The following ERGIC2 variants were observed in gnomAD, a reference collection of about 807,000 sequenced individuals.
The protein encoded by ERGIC2 is endoplasmic reticulum-Golgi intermediate compartment protein 2.
ERGIC2 carries 31 observed loss-of-function variants against 52.5 expected under a neutral mutation model. That is an observed-to-expected ratio of 0.59 (90% CI 0.44 to 0.80). The LOEUF (loss-of-function observed/expected upper bound fraction) is 0.80, where lower values mean the gene tolerates loss of function less well. Among genes scored for constraint, ERGIC2 ranks in the 30% least tolerant of loss-of-function variants. The pLI is 0.00. For synonymous variants in ERGIC2, 129 were observed against 140.6 expected, an observed-to-expected ratio of 0.92 and a Z score of 0.58; for missense variants, 395 against 455.2, an observed-to-expected ratio of 0.87 and a Z score of 1.20.
rs989909180 is a variant in ERGIC2, at chr12:29,337,630, A to G, written c.*3526T>C. 3.9e-5 allele frequency: 6 copies of G among 152,152 alleles called. No individual in the cohort carries two copies. Among genetic ancestry groups the G allele is most frequent in the Non-Finnish European group, 7.4e-5 (5 of 68,012 alleles). 9.4% of individuals were successfully genotyped at this position (152,152 alleles called of 1,614,324 possible). On this transcript the variant is annotated 3_prime_UTR_variant, in exon 14 of 14. Coordinates refer to ENST00000360150, the MANE Select transcript of ERGIC2 (RefSeq NM_016570.3). Reference sequence around the variant, plus strand: ...ATTTTGATTGTGTTGAAAAAGGGCTACCACCTTGGCTTGCTGAAGGTTTGC... The same window carrying G: ...ATTTTGATTGTGTTGAAAAAGGGCTGCCACCTTGGCTTGCTGAAGGTTTGC...
intron 5 of ERGIC2, among the ~76,000 whole-genome samples, chr12:29,363,760 G>C (rs1940317311): frequency 1.4e-5 from 2 of 145,596 alleles, no homozygotes; most frequent in Admixed American, 7.0e-5. Flanking sequence ...TGATTCTCAA[G>C]AGCTTAAAAT....
intron 8 of ERGIC2, among the ~76,000 whole-genome samples, chr12:29,351,863 A>G (rs1335614220): frequency 6.6e-6 from 1 of 152,046 alleles, no homozygotes; most frequent in Non-Finnish European, 1.5e-5. Flanking sequence ...TTTTCTGATC[A>G]TTGCTTTTTT....
chr12:29,369,991 A>G (rs1006690869), intron 3 of ERGIC2, 123 bp downstream of exon 3: 1 of 861,422 alleles, frequency 1.2e-6, no homozygotes, highest in Admixed American at 4.4e-5. Flanking sequence ...ATTTTTCAGG[A>G]CTATTTCTTC....
chr12:29,343,631 T>C (rs1949855759), intron 11 of ERGIC2, among the ~76,000 whole-genome samples: 1 of 152,166 alleles, frequency 6.6e-6, no homozygotes, highest in Non-Finnish European at 1.5e-5. Context: ...ATACAAATAA[T>C]GAGGTTAACT....
chr12:29,358,023 T>C (rs1474900231), intron 6 of ERGIC2, among the ~76,000 whole-genome samples: 1 of 152,156 alleles, frequency 6.6e-6, no homozygotes, highest in Non-Finnish European at 1.5e-5. Flanking sequence ...CAATTCATCT[T>C]TCATGCATAC....
At chr12:29,348,357 T>C (rs1940086610) in intron 10 of ERGIC2, among the ~76,000 whole-genome samples, 1 of 152,076 alleles carries the variant, frequency 6.6e-6, no homozygotes, top group African/African-American at 2.4e-5. Flanking sequence ...GAATTCCTAC[T>C]AGCTGAACAA....
intron 3 of ERGIC2, among the ~76,000 whole-genome samples, 170 bp from the exon 4 acceptor site, chr12:29,368,457 T>G (rs117561816): frequency 0.013 from 2,021 of 151,938 alleles, 21 homozygotes; most frequent in Non-Finnish European, 0.022. Context: ...AAATTACAAG[T>G]TCTATTTTGC....
In ERGIC2 at chr12:29,339,459, G is replaced by A. The variant is rs1949821351; in HGVS notation, c.*1697C>T. On this transcript the variant is annotated 3_prime_UTR_variant, in exon 14 of 14. Coordinates refer to ENST00000360150, the MANE Select transcript of ERGIC2 (RefSeq NM_016570.3). The stretch of plus-strand genomic sequence containing the variant: ...CTAATCCTTTCCTATTAAAATTCCT[G>A]TGGATAGATGGTGTTAGTTTATAGC... The A allele has an allele frequency of 6.6e-6, 1 of 152,020 alleles. No individual in the cohort carries two copies. The highest frequency in any genetic ancestry group is 6.6e-5 in the Admixed American group (1 of 15,258). The allele number at this position is 152,020 out of a possible 1,614,324, so 9.4% of individuals were successfully genotyped here. A position where few individuals can be genotyped will look rare whatever the true frequency, so the allele number is the denominator to read the frequency against.
intron 1 of ERGIC2, among the ~76,000 whole-genome samples, chr12:29,379,806 G>C (rs960670401): frequency 6.6e-6 from 1 of 151,894 alleles, no homozygotes; most frequent in Non-Finnish European, 1.5e-5. Flanking sequence ...TATTAAATAG[G>C]ATTTTTAGCA....
intron 8 of ERGIC2, among the ~76,000 whole-genome samples, chr12:29,351,611 T>C (rs1940131833): frequency 6.6e-6 from 1 of 152,188 alleles, no homozygotes; most frequent in African/African-American, 2.4e-5. Context: ...GCTCTCAATG[T>C]CCTCATCTAC....
intron 8 of ERGIC2, among the ~76,000 whole-genome samples, chr12:29,354,715 T>C (rs1464401798): frequency 6.6e-6 from 1 of 152,152 alleles, no homozygotes; most frequent in African/African-American, 2.4e-5. Flanking sequence ...AGTTACCACC[T>C]GGGAAGGAAA....
Position 29,351,419 on chromosome 12 carries a change from T to G in ERGIC2, c.573-1351A>C, listed in dbSNP as rs142694252. Among the ~76,000 whole-genome samples the G allele has an allele frequency of 1.2e-4, 19 of 152,270 alleles. No homozygotes were observed. In the East Asian group the frequency reaches 2.7e-3, roughly 22 times the overall value. ...GTTCTCTCAACTTCTATAAAAATAT[T>G]CTTGCCTATAGTTTTTGTTGAAAGC... On this transcript the variant is annotated intron_variant, in intron 8 of 13. Coordinates refer to ENST00000360150, the MANE Select transcript of ERGIC2 (RefSeq NM_016570.3).
chr12:29,367,026 A>G, intron 4 of ERGIC2, 79 bp from the exon 5 acceptor site: 1 of 696,406 alleles, frequency 1.4e-6, no homozygotes, highest in East Asian at 3.1e-5. Flanking sequence ...AATTAAGCCA[A>G]CTAACAGAAA....
At chr12:29,363,679 C>T (rs11050211) in intron 5 of ERGIC2, among the ~76,000 whole-genome samples, 7,351 of 151,958 alleles carry the variant, frequency 0.048, 490 homozygotes, top group African/African-American at 0.15. Context: ...TAACATATCA[C>T]TATTGCCTAA....
At chr12:29,373,398 G>A (rs905454953) in intron 1 of ERGIC2, among the ~76,000 whole-genome samples, 3 of 152,080 alleles carry the variant, frequency 2.0e-5, no homozygotes, top group East Asian at 3.8e-4. Flanking sequence ...AGAATAAATC[G>A]TACAGTTGCA....
chr12:29,379,344 C>T (rs574181487), intron 1 of ERGIC2, among the ~76,000 whole-genome samples: 11 of 151,618 alleles, frequency 7.3e-5, no homozygotes, highest in Non-Finnish European at 1.2e-4. Flanking sequence ...TACAACGTGA[C>T]TATATAGAGC....
At chr12:29,371,712 G>A (rs1477268096) in intron 1 of ERGIC2, 42 bp from the exon 2 acceptor site, 8 of 900,856 alleles carry the variant, frequency 8.9e-6, no homozygotes, top group Non-Finnish European at 1.2e-5. Context: ...ATCCTTTAAA[G>A]AGATAAAAAG....
chr12:29,381,149 A>G lies in ERGIC2; in HGVS notation c.-72T>C, dbSNP rs2092832963. 2.0e-5 allele frequency: 3 copies of G among 152,254 alleles called. No homozygotes were observed. The highest frequency in any genetic ancestry group is 7.2e-5 in the African/African-American group (3 of 41,462). 9.4% of individuals were successfully genotyped at this position (152,254 alleles called of 1,614,324 possible). ...TGGTCCCAGCCTACCGCCATGTTTC[A>G]CAGAAGCCCGGGTCGCCGGGGCTCC... On this transcript the variant is annotated 5_prime_UTR_variant, in exon 1 of 14. Coordinates refer to ENST00000360150, the MANE Select transcript of ERGIC2 (RefSeq NM_016570.3).
At chr12:29,374,306 CCTTGA>C (rs1425734812) in intron 1 of ERGIC2, among the ~76,000 whole-genome samples, 2 of 152,260 alleles carry the variant, frequency 1.3e-5, no homozygotes, top group East Asian at 3.9e-4. Context: ...CATTCTCTTA[CCTTGA>C]CTTAAGTGAT....
Sources: gnomAD v4.1 joint callset for allele counts (sites outside exome capture counted in the v4.1 genomes callset) on GRCh38, gnomAD v4.1.1 for gene constraint, MANE v1.5 for transcripts, NCBI Gene and HGNC (gene_info 2026-07-23, HGNC 2026-07-21) for gene names.